XXYLT1: variants seen among roughly 807,000 people sequenced by gnomAD.
XXYLT1 encodes the protein xyloside xylosyltransferase 1.
XXYLT1 carries 20 observed loss-of-function variants against 28.9 expected under a neutral mutation model. That is an observed-to-expected ratio of 0.69 (90% CI 0.49 to 1.00). The LOEUF (loss-of-function observed/expected upper bound fraction) is 1.00. XXYLT1 is among the 50% of genes least tolerant of loss of function. The pLI, the probability that XXYLT1 is intolerant of heterozygous loss-of-function variation, is 0.00. For missense variants in XXYLT1, 542 were observed against 560.1 expected, an observed-to-expected ratio of 0.97 and a Z score of 0.33; for synonymous variants, 257 against 253.8, an observed-to-expected ratio of 1.01 and a Z score of -0.12.
intron 1 of XXYLT1, among the ~76,000 whole-genome samples, chr3:195,261,785 T>A (rs1290805997): frequency 1.3e-5 from 2 of 152,224 alleles, no homozygotes; most frequent in African/African-American, 2.4e-5. Context: ...TTATTTGTCA[T>A]TAGGGAAATG....
chr3:195,124,106 A>G lies in XXYLT1; in HGVS notation c.785+32343T>C, dbSNP rs1718500216. Among the ~76,000 whole-genome samples the G allele has an allele frequency of 1.3e-5, 2 of 152,168 alleles. No individual in the cohort carries two copies. The highest frequency in any genetic ancestry group is 2.9e-5 in the Non-Finnish European group (2 of 68,040). On this transcript the variant is annotated intron_variant, in intron 3 of 3. Coordinates refer to ENST00000310380, the MANE Select transcript of XXYLT1 (RefSeq NM_152531.5). The surrounding 1 kb of genome is among the most constrained non-coding windows in gnomAD (Gnocchi z 4.1). ...TTTCTCAAACTTACTTGATCATTAC[A>G]CCCTTTTCTTCCAGGACACATTCTG... is the stretch of plus-strand genomic sequence containing the variant.
intron 3 of XXYLT1, among the ~76,000 whole-genome samples, chr3:195,138,460 C>A (rs1719310308): frequency 6.6e-6 from 1 of 152,142 alleles, no homozygotes; most frequent in Non-Finnish European, 1.5e-5. Context: ...TCCTCCAAGC[C>A]TGAGGAGTGA....
intron 2 of XXYLT1, among the ~76,000 whole-genome samples, chr3:195,196,162 C>T (rs1260884096): frequency 6.6e-6 from 1 of 152,240 alleles, no homozygotes; most frequent in African/African-American, 2.4e-5. Context: ...CATGTGGCTA[C>T]TGAGCGCTTG....
At chr3:195,080,320 G>A (rs958736065) in intron 3 of XXYLT1, among the ~76,000 whole-genome samples, 10 of 152,194 alleles carry the variant, frequency 6.6e-5, no homozygotes, top group African/African-American at 1.9e-4. Flanking sequence ...GCCCTGGAAG[G>A]CACCCAGCCT....
chr3:195,117,200 C>G (rs753238778), intron 3 of XXYLT1, among the ~76,000 whole-genome samples: 4 of 151,880 alleles, frequency 2.6e-5, no homozygotes, highest in Non-Finnish European at 5.9e-5. Flanking sequence ...AATAAAAGCA[C>G]TAGCTCGGAA....
intron 1 of XXYLT1, among the ~76,000 whole-genome samples, chr3:195,227,104 G>A (rs1724089911): frequency 1.3e-5 from 2 of 152,152 alleles, no homozygotes; most frequent in African/African-American, 2.4e-5. Flanking sequence ...ATGCATGTAC[G>A]GGCTGTGCAG....
rs1215938660 is a variant in XXYLT1 at position 195,069,907 on chromosome 3, G to C, written c.990C>G (p.Asp330Glu). 2 of 1,613,950 alleles carry C rather than the reference G, an allele frequency of 1.2e-6. No homozygotes were observed. Among genetic ancestry groups the C allele is most frequent in the Admixed American group, 1.7e-5 (1 of 60,022 alleles). Residue 330 changes from aspartate (D) to glutamate (E), a missense_variant, in exon 4 of 4, where the codon GAC (aspartate) becomes GAG (glutamate). Transcript: ENST00000310380. ...TGCCGATCATGGTGAAGAAGTCCTG[G>C]TCCCCGAGGTGGCCGCGGAAGTGGT... ...DKYHFRGHLG[D>E]QDFFTMIGME...
At chr3:195,202,506 T>C (rs980541588) in intron 2 of XXYLT1, among the ~76,000 whole-genome samples, 2 of 151,754 alleles carry the variant, frequency 1.3e-5, no homozygotes, top group Non-Finnish European at 2.9e-5. Context: ...CCACATGCTG[T>C]CCAATATTAT....
At chr3:195,136,550 C>T (rs934574882) in intron 3 of XXYLT1, among the ~76,000 whole-genome samples, 1 of 152,112 alleles carries the variant, frequency 6.6e-6, no homozygotes, top group Non-Finnish European at 1.5e-5. Context: ...CGCAACTTAC[C>T]GAAAACTTAG....
chr3:195,266,217 C>G (rs73890750), intron 1 of XXYLT1, among the ~76,000 whole-genome samples: 1 of 152,028 alleles, frequency 6.6e-6, no homozygotes, highest in African/African-American at 2.4e-5. Flanking sequence ...GCATTCTGGC[C>G]GGGTGCGGTG....
intron 3 of XXYLT1, among the ~76,000 whole-genome samples, chr3:195,085,245 T>C (rs182984475): frequency 6.6e-6 from 1 of 152,354 alleles, no homozygotes; most frequent in Admixed American, 6.5e-5. Flanking sequence ...AGAGAATATC[T>C]GGATTTGCCC....
intron 2 of XXYLT1, among the ~76,000 whole-genome samples, chr3:195,169,158 AG>A (rs1721272019): frequency 6.6e-6 from 1 of 152,238 alleles, no homozygotes. Context: ...ATGGCTACAC[AG>A]GTCGCAGCAG....
At chr3:195,097,061 C>T (rs1339395587) in intron 3 of XXYLT1, among the ~76,000 whole-genome samples, 1 of 152,202 alleles carries the variant, frequency 6.6e-6, no homozygotes, top group East Asian at 1.9e-4. Flanking sequence ...CCCTGGCGTC[C>T]CTCTGCTGGG....
rs985853777 is a variant in XXYLT1 at position 195,115,437 on chromosome 3, C to T, written c.785+41012G>A. Among the ~76,000 whole-genome samples the T allele has an allele frequency of 6.6e-6, 1 of 152,160 alleles. No individual in the cohort carries two copies. Among genetic ancestry groups the T allele is most frequent in the Non-Finnish European group, 1.5e-5 (1 of 68,024 alleles). On this transcript the variant is annotated intron_variant, in intron 3 of 3. Transcript: ENST00000310380. The surrounding 1 kb of genome is among the most constrained non-coding windows in gnomAD (Gnocchi z 4.2). ...CCAGGAGTCCTTCAAAAGGCCCAGC[C>T]GGAAACCTGCCCCTTGAGCCCCTCC...
In XXYLT1 at chr3:195,150,188, T is replaced by C. The variant is rs1055477926; in HGVS notation, c.785+6261A>G. Among the ~76,000 whole-genome samples, 1 of 152,138 alleles carries C rather than the reference T, an allele frequency of 6.6e-6. No homozygotes were observed. The highest frequency in any genetic ancestry group is 1.5e-5 in the Non-Finnish European group (1 of 68,040). Reference sequence around the variant, plus strand: ...TGCTGCTCGTGCTAGGCACCATAAATACATTATCTGATTCAATCTCCCTCA... The same window carrying C: ...TGCTGCTCGTGCTAGGCACCATAAACACATTATCTGATTCAATCTCCCTCA... On this transcript the variant is annotated intron_variant, in intron 3 of 3. Transcript: ENST00000310380. The surrounding 1 kb of genome is among the most constrained non-coding windows in gnomAD (Gnocchi z 4.7).
At chr3:195,216,377 G>A (rs1299942601) in intron 2 of XXYLT1, among the ~76,000 whole-genome samples, 1 of 148,338 alleles carries the variant, frequency 6.7e-6, no homozygotes, top group Non-Finnish European at 1.5e-5. Flanking sequence ...CCAGGAGCTG[G>A]TTTTTTGAAA....
At chr3:195,187,628 A>C (rs946134344) in intron 2 of XXYLT1, among the ~76,000 whole-genome samples, 2 of 152,210 alleles carry the variant, frequency 1.3e-5, no homozygotes, top group Admixed American at 1.3e-4. Flanking sequence ...ACCCCTGGAC[A>C]TTATTCCTTT....
chr3:195,189,638 T>C (rs190602346), intron 2 of XXYLT1, among the ~76,000 whole-genome samples: 1 of 152,108 alleles, frequency 6.6e-6, no homozygotes, highest in African/African-American at 2.4e-5. Flanking sequence ...TGTACATAGA[T>C]TAAATAGAAA....
intron 2 of XXYLT1, among the ~76,000 whole-genome samples, chr3:195,160,436 G>C (rs1720814509): frequency 6.6e-6 from 1 of 152,226 alleles, no homozygotes; most frequent in Non-Finnish European, 1.5e-5. Flanking sequence ...AGAGGGTTTA[G>C]GGAGAAGGGG....
Sources: gnomAD v4.1 joint callset for allele counts (sites outside exome capture counted in the v4.1 genomes callset) on GRCh38, gnomAD v4.1.1 for gene constraint, Gnocchi (gnomAD v3.1) non-coding constraint, MANE v1.5 for transcripts, NCBI Gene and HGNC (gene_info 2026-07-23, HGNC 2026-07-21) for gene names.